Variants in CLASP1 observed in about 807,000 individuals in gnomAD.
CLASP1 encodes CLIP-associating protein 1.
A neutral mutation model predicts 192.3 loss-of-function variants in CLASP1; 38 were observed. The ratio of observed to expected loss-of-function variants is 0.20; its 90% CI spans 0.15 to 0.26. The LOEUF is 0.26. Ranked by LOEUF, CLASP1 falls within the 10% of genes least tolerant of loss-of-function variation. The probability of loss-of-function intolerance (pLI) is 1.00; values close to 1 mark genes in which losing one functional copy is unlikely to be tolerated. For synonymous variants in CLASP1, 691 were observed against 712.8 expected (o/e 0.97, Z 0.49); for missense variants, 1,433 against 1,932.5 (o/e 0.74, Z 4.85).
chr2:121,380,595 C>A (rs1365913521), intron 33 of CLASP1, among the ~76,000 whole-genome samples: 1 of 152,138 alleles, frequency 6.6e-6, no homozygotes, highest in Non-Finnish European at 1.5e-5. Flanking sequence ...GAGAGAGAAA[C>A]TGGAGAGAGA....
chr2:121,578,711 A>G lies in CLASP1; in HGVS notation c.195+26990T>C, dbSNP rs190057799. Among the ~76,000 whole-genome samples the G allele has an allele frequency of 3.1e-3, 462 of 147,116 alleles. 2 individuals are homozygous for G. The highest frequency in any genetic ancestry group is 0.011 in the African/African-American group (433 of 37,976). ...CCACTGCACTCAAGCCTGGCAACAG[A>G]GCAAGACTCCGTCTCAAAAAAAAAA... is the stretch of plus-strand genomic sequence containing the variant. On this transcript the variant is annotated intron_variant, in intron 2 of 39. Transcript: ENST00000263710.
chr2:121,583,432 T>G (rs1402272716), intron 2 of CLASP1, among the ~76,000 whole-genome samples: 1 of 152,148 alleles, frequency 6.6e-6, no homozygotes, highest in African/African-American at 2.4e-5. Context: ...GTGATAAAAT[T>G]GAAGAATAAT....
At chr2:121,393,417 G>A (rs942373649) in intron 30 of CLASP1, among the ~76,000 whole-genome samples, 1 of 152,148 alleles carries the variant, frequency 6.6e-6, no homozygotes, top group Admixed American at 6.5e-5. Flanking sequence ...ATACAGACAT[G>A]TATTTTATGT....
At chr2:121,635,931 G>A (rs1466022847) in intron 1 of CLASP1, among the ~76,000 whole-genome samples, 1 of 152,230 alleles carries the variant, frequency 6.6e-6, no homozygotes, top group Non-Finnish European at 1.5e-5. Flanking sequence ...GCCAGGCGCA[G>A]TGGCTCACGC....
chr2:121,515,690 T>C (rs201222017), exon 7 of CLASP1: 101 of 1,613,790 alleles, frequency 6.3e-5, no homozygotes, highest in Non-Finnish European at 7.9e-5. Flanking sequence ...CCTTTTTTAC[T>C]GAGATCTGCC....
Position 121,401,685 on chromosome 2 carries a change from G to C in CLASP1, c.2737-13C>G. The C allele has an allele frequency of 6.2e-7, 1 of 1,602,480 alleles. No individual in the cohort carries two copies. Among genetic ancestry groups the C allele is most frequent in the Non-Finnish European group, 8.5e-7 (1 of 1,173,676 alleles). ...ACATACTGAAAACCTAGACACAAAT[G>C]AAAACCAAGTAGTTCACATATTGAA... On this transcript the variant is annotated splice_polypyrimidine_tract_variant and intron_variant, in intron 27 of 39. Coordinates refer to ENST00000263710, the Ensembl canonical transcript of CLASP1.
At position 121,575,908 on chromosome 2, in the gene CLASP1, C is replaced by T. The variant is rs141391134; in HGVS notation, c.195+29793G>A. Among the ~76,000 whole-genome samples, 533 of 152,276 alleles carry T rather than the reference C, an allele frequency of 3.5e-3. 5 individuals are homozygous for T. Among genetic ancestry groups the T allele is most frequent in the African/African-American group, 0.012 (487 of 41,540 alleles). ...GGAGACACAGTTAAATGTGTCCCTA[C>T]CCAACAACAGAGGGTGCAGATTCTC... On this transcript the variant is annotated intron_variant, in intron 2 of 39. Transcript: ENST00000263710.
chr2:121,367,497 C>T (rs1017810955), intron 35 of CLASP1, 91 bp downstream of exon 36: 7 of 1,537,716 alleles, frequency 4.6e-6, no homozygotes, highest in South Asian at 1.2e-5. Context: ...TCTCCATTTA[C>T]ATCTGACCAG....
intron 2 of CLASP1, among the ~76,000 whole-genome samples, chr2:121,556,365 T>A (rs1211504151): frequency 6.6e-6 from 1 of 152,068 alleles, no homozygotes; most frequent in Non-Finnish European, 1.5e-5. Context: ...CCAGCTTGGG[T>A]AAGAGCCAGT....
rs542617782 is a variant in CLASP1, at chr2:121,578,273, C to G, written c.195+27428G>C. Among the ~76,000 whole-genome samples the G allele has an allele frequency of 7.2e-5, 11 of 151,872 alleles. No homozygotes were observed. The South Asian group carries it at 8.3e-4, about 11-fold the overall frequency. On this transcript the variant is annotated intron_variant, in intron 2 of 39. Transcript: ENST00000263710. The stretch of plus-strand genomic sequence containing the variant: ...AAAAACAAAGAAACAAAGAAACAAA[C>G]AAACAAACAAAAAACCTGCATGCCT...
chr2:121,465,912 C>G (rs1301903040), intron 9 of CLASP1, among the ~76,000 whole-genome samples: 1 of 152,106 alleles, frequency 6.6e-6, no homozygotes, highest in Non-Finnish European at 1.5e-5. Flanking sequence ...GAAAAACAAG[C>G]AATGGGGAAA....
intron 1 of CLASP1, among the ~76,000 whole-genome samples, chr2:121,626,469 C>A (rs1003501184): frequency 2.0e-5 from 3 of 152,216 alleles, no homozygotes; most frequent in African/African-American, 7.2e-5. Context: ...CCCTACAAAA[C>A]CTCTGTCAGA....
intron 1 of CLASP1, among the ~76,000 whole-genome samples, chr2:121,622,469 T>C (rs889182900): frequency 4.0e-5 from 6 of 151,084 alleles, no homozygotes; most frequent in African/African-American, 1.5e-4. Flanking sequence ...CTCAGGAGGC[T>C]AAGGTGGAAG....
intron 10 of CLASP1, 31 bp downstream of exon 10, chr2:121,462,500 GT>G: frequency 8.0e-7 from 1 of 1,245,434 alleles, no homozygotes; most frequent in Non-Finnish European, 1.2e-6. Flanking sequence ...GTTGACCCTT[GT>G]TTGTAATCAT....
In CLASP1 at chr2:121,550,463, TA is replaced by T. The variant is rs962235211; in HGVS notation, c.196-20139del. ...AAAAATCGACAAATCCGGGAGGTTT[TA>T]AAAAAAAATTAATAAGATAAATAGG... On this transcript the variant is annotated intron_variant, in intron 2 of 39. Coordinates refer to ENST00000263710, the Ensembl canonical transcript of CLASP1. 3.2e-4 allele frequency among the ~76,000 whole-genome samples: 48 copies of T among 151,018 alleles called. 1 individual carries two copies. The highest frequency in any genetic ancestry group is 8.0e-4 in the African/African-American group (33 of 41,168).
chr2:121,477,145 C>T (rs2091726285), intron 8 of CLASP1, among the ~76,000 whole-genome samples: 1 of 152,190 alleles, frequency 6.6e-6, no homozygotes, highest in African/African-American at 2.4e-5. Context: ...GAGTAGGGAC[C>T]ACTTTGTATT....
At chr2:121,343,188 A>G (rs1445902017) in intron 39 of CLASP1, among the ~76,000 whole-genome samples, 1 of 152,246 alleles carries the variant, frequency 6.6e-6, no homozygotes, top group Non-Finnish European at 1.5e-5. Flanking sequence ...GAGGACGGCT[A>G]TTAGAAATAA....
chr2:121,556,232 C>T (rs981454979), intron 2 of CLASP1, among the ~76,000 whole-genome samples: 12 of 151,894 alleles, frequency 7.9e-5, no homozygotes, highest in African/African-American at 2.2e-4. Context: ...GTGATCTGCC[C>T]GCCTCAGCCT....
At chr2:121,381,587 C>T (rs752013381) in intron 33 of CLASP1, among the ~76,000 whole-genome samples, 1 of 152,130 alleles carries the variant, frequency 6.6e-6, no homozygotes, top group Non-Finnish European at 1.5e-5. Flanking sequence ...TCCATGATGC[C>T]GCATTCAGCA....
Sources: allele counts gnomAD v4.1 joint callset (sites outside exome capture counted in the v4.1 genomes callset), GRCh38; gene constraint gnomAD v4.1.1; transcripts MANE v1.5; gene names NCBI Gene and HGNC (gene_info 2026-07-23, HGNC 2026-07-21).